PTPRD: variants seen among roughly 807,000 people sequenced by gnomAD.
PTPRD encodes receptor-type tyrosine-protein phosphatase delta.
PTPRD carries 34 observed loss-of-function variants against 214.5 expected under a neutral mutation model. That is an observed-to-expected ratio of 0.16 (90% CI 0.12 to 0.21). PTPRD has a LOEUF of 0.21. Ranked by LOEUF, PTPRD falls within the 10% of genes least tolerant of loss-of-function variation. The pLI is 1.00. For synonymous variants in PTPRD, 1,128 were observed against 845.7 expected (o/e 1.33, Z -5.79); for missense variants, 2,545 against 2,398.7 (o/e 1.06, Z -1.27).
At chr9:9,405,296 C>T (rs1051417124) in intron 8 of PTPRD, among the ~76,000 whole-genome samples, 1 of 152,016 alleles carries the variant, frequency 6.6e-6, no homozygotes, top group Non-Finnish European at 1.5e-5. Context: ...TATAACTGAA[C>T]ATGGAAAATT....
intron 11 of PTPRD, among the ~76,000 whole-genome samples, chr9:9,010,179 G>A (rs2099503167): frequency 6.6e-6 from 1 of 152,152 alleles, no homozygotes; most frequent in Admixed American, 6.6e-5. Flanking sequence ...GGTTGATGCA[G>A]TTTCTAAAAC....
chr9:9,803,188 G>A (rs1461452481), intron 5 of PTPRD, among the ~76,000 whole-genome samples: 1 of 151,214 alleles, frequency 6.6e-6, no homozygotes, highest in Non-Finnish European at 1.5e-5. Flanking sequence ...TCTAATATTG[G>A]AGTAATCTGG....
At position 10,106,718 on chromosome 9, in the gene PTPRD, A is replaced by T. The variant is rs141542803; in HGVS notation, c.-544-72928T>A. ...AAAATTGACCATTTGAACTAAAATA[A>T]AAACGTGTCTTTCTCTTTCTTTTTT... On this transcript the variant is annotated intron_variant, in intron 3 of 45. Transcript: ENST00000381196. Among the ~76,000 whole-genome samples the T allele has an allele frequency of 3.9e-3, 587 of 152,084 alleles. 5 individuals are homozygous for T. Among genetic ancestry groups the T allele is most frequent in the Middle Eastern group, 0.014 (4 of 294 alleles).
chr9:9,967,466 G>A (rs953198041), intron 4 of PTPRD, among the ~76,000 whole-genome samples: 3 of 152,060 alleles, frequency 2.0e-5, no homozygotes, highest in African/African-American at 7.2e-5. Context: ...GTTGAGAGAG[G>A]GAAGGAAGAA....
chr9:9,290,591 A>G (rs1332311933), intron 9 of PTPRD, among the ~76,000 whole-genome samples: 2 of 151,642 alleles, frequency 1.3e-5, no homozygotes, highest in South Asian at 2.1e-4. Flanking sequence ...GCCATTTATT[A>G]ATAACATATT....
intron 2 of PTPRD, among the ~76,000 whole-genome samples, chr9:10,389,453 C>T (rs937299447): frequency 6.6e-6 from 1 of 151,826 alleles, no homozygotes; most frequent in Non-Finnish European, 1.5e-5. Flanking sequence ...CTGGTCAATG[C>T]CAGCAATCCA....
intron 10 of PTPRD, among the ~76,000 whole-genome samples, chr9:9,039,395 A>T (rs172864): frequency 0.26 from 39,152 of 152,094 alleles, 5,727 homozygotes; most frequent in Non-Finnish European, 0.32. Context: ...TTAGATCTGC[A>T]GTGAAGGTAG....
At chr9:9,190,270 C>T (rs575625110) in intron 9 of PTPRD, among the ~76,000 whole-genome samples, 1 of 152,126 alleles carries the variant, frequency 6.6e-6, no homozygotes, top group East Asian at 1.9e-4. Flanking sequence ...TGTGTCCCCA[C>T]CCAAATCTCA....
At chr9:8,684,556 C>T (rs192626551) in intron 12 of PTPRD, among the ~76,000 whole-genome samples, 1 of 152,130 alleles carries the variant, frequency 6.6e-6, no homozygotes, top group Non-Finnish European at 1.5e-5. Context: ...CTCAGTAAAA[C>T]TAGCCTCACT....
chr9:9,117,949 T>G (rs1569546773), intron 10 of PTPRD, among the ~76,000 whole-genome samples: 2 of 152,192 alleles, frequency 1.3e-5, no homozygotes, highest in East Asian at 3.9e-4. Flanking sequence ...TGATGCTGTT[T>G]TTTTGGAAAA....
intron 9 of PTPRD, among the ~76,000 whole-genome samples, chr9:9,198,044 A>G (rs572620419): frequency 6.6e-6 from 1 of 152,344 alleles, no homozygotes; most frequent in South Asian, 2.1e-4. Context: ...CAAAAAGGCT[A>G]CTGAGAATTT....
At position 9,750,069 on chromosome 9, in the gene PTPRD, A is replaced by T. The variant is rs549052894; in HGVS notation, c.-325-15498T>A. Reference sequence around the variant, plus strand: ...ACTACGAAAAATAAACTTTTATATGATTAATGTAAAGCAGTTTTACTTAAC... The same window carrying T: ...ACTACGAAAAATAAACTTTTATATGTTTAATGTAAAGCAGTTTTACTTAAC... On this transcript the variant is annotated intron_variant, in intron 6 of 45. Transcript: ENST00000381196. 1.5e-4 allele frequency among the ~76,000 whole-genome samples: 23 copies of T among 152,286 alleles called. No individual in the cohort carries two copies. In the East Asian group the frequency reaches 1.9e-3, roughly 13 times the overall value.
At chr9:9,800,418 T>C (rs946663496) in intron 5 of PTPRD, 2 of 152,110 alleles carry the variant, frequency 1.3e-5, no homozygotes, top group African/African-American at 4.8e-5. Context: ...ACTCAGCCAT[T>C]TGGAAAGAAA....
At position 9,268,462 on chromosome 9, in the gene PTPRD, T is replaced by C. The variant is rs76733168; in HGVS notation, c.-202-85099A>G. ...CAAAGAGATATACAGATTTAATGCA[T>C]TTTTTTAAATCAAGGTTCCAATGGC... On this transcript the variant is annotated intron_variant, in intron 9 of 45. Coordinates refer to ENST00000381196, the MANE Select transcript of PTPRD (RefSeq NM_002839.4). Among the ~76,000 whole-genome samples the C allele has an allele frequency of 1.8e-3, 270 of 151,158 alleles. 1 individual carries two copies. Among genetic ancestry groups the C allele is most frequent in the African/African-American group, 6.2e-3 (258 of 41,406 alleles).
chr9:8,810,921 G>A (rs562445400), intron 11 of PTPRD, among the ~76,000 whole-genome samples: 28 of 152,216 alleles, frequency 1.8e-4, no homozygotes, highest in East Asian at 1.4e-3. Flanking sequence ...CTATGAGTTC[G>A]TCCTAGGGGC....
At chr9:8,566,707 A>G (rs1006085188) in intron 14 of PTPRD, among the ~76,000 whole-genome samples, 1 of 152,218 alleles carries the variant, frequency 6.6e-6, no homozygotes, top group African/African-American at 2.4e-5. Flanking sequence ...TATTTGCCAA[A>G]TAAGAATGGA....
rs1258946151 is a variant in PTPRD, at chr9:9,504,680, C to T, written c.-237+70052G>A. Among the ~76,000 whole-genome samples, 6 of 151,506 alleles carry T rather than the reference C, an allele frequency of 4.0e-5. No homozygotes were observed. The East Asian group carries it at 5.8e-4, about 15-fold the overall frequency. ...AATTAGACAAGAAAAAGAAATAAAA[C>T]GCATCCAAGTCTGAAAGGGAGAAAC... On this transcript the variant is annotated intron_variant, in intron 8 of 45. Coordinates refer to ENST00000381196, the MANE Select transcript of PTPRD (RefSeq NM_002839.4).
At chr9:8,669,848 A>G (rs543856840) in intron 12 of PTPRD, among the ~76,000 whole-genome samples, 34 of 152,164 alleles carry the variant, frequency 2.2e-4, no homozygotes, top group Non-Finnish European at 3.8e-4. Flanking sequence ...GTTTGAAGCT[A>G]GAGAGTGAGC....
At chr9:9,180,281 G>C (rs887445464) in intron 10 of PTPRD, among the ~76,000 whole-genome samples, 1 of 152,010 alleles carries the variant, frequency 6.6e-6, no homozygotes, top group Non-Finnish European at 1.5e-5. Context: ...AAAATGATGA[G>C]TTCATGTCTT....
Sources: gnomAD v4.1 joint callset for allele counts (sites outside exome capture counted in the v4.1 genomes callset) on GRCh38, gnomAD v4.1.1 for gene constraint, MANE v1.5 for transcripts, NCBI Gene and HGNC (gene_info 2026-07-23, HGNC 2026-07-21) for gene names.